DGKB: variants seen among roughly 807,000 people sequenced by gnomAD.
The protein encoded by DGKB is diacylglycerol kinase beta.
DGKB carries 67 observed loss-of-function variants against 114.3 expected under a neutral mutation model. The observed-to-expected ratio is 0.59, with a 90% CI of 0.48 to 0.72. The LOEUF is 0.72. DGKB is among the 30% of genes least tolerant of loss of function. DGKB has a pLI of 0.00. For synonymous variants in DGKB, 398 were observed against 323.1 expected (o/e 1.23, Z -2.49); for missense variants, 907 against 975.2 (o/e 0.93, Z 0.93).
chr7:14,269,378 G>A (rs769034077), intron 23 of DGKB, among the ~76,000 whole-genome samples: 1 of 152,066 alleles, frequency 6.6e-6, no homozygotes, highest in African/African-American at 2.4e-5. Flanking sequence ...AAGAATCTCT[G>A]GACAAATTTT....
intron 20 of DGKB, among the ~76,000 whole-genome samples, chr7:14,562,486 G>A (rs1426268734): frequency 1.3e-5 from 2 of 152,178 alleles, no homozygotes; most frequent in African/African-American, 4.8e-5. Flanking sequence ...CTCAATGCCA[G>A]CCTGTGAAAG....
At chr7:14,613,703 A>AT (rs922611426) in intron 15 of DGKB, among the ~76,000 whole-genome samples, 6 of 151,538 alleles carry the variant, frequency 4.0e-5, no homozygotes, top group African/African-American at 1.2e-4. Context: ...TTCCTGTAAG[A>AT]TAAAAAAAAA....
At chr7:14,451,839 T>G (rs1831562250) in intron 21 of DGKB, among the ~76,000 whole-genome samples, 1 of 152,052 alleles carries the variant, frequency 6.6e-6, no homozygotes, top group Admixed American at 6.6e-5. Context: ...AACTCTTACT[T>G]CACCAGTAAG....
At chr7:14,205,575 C>T (rs1786649072) in intron 23 of DGKB, among the ~76,000 whole-genome samples, 1 of 151,938 alleles carries the variant, frequency 6.6e-6, no homozygotes. Flanking sequence ...TCTACATAAA[C>T]ATGTGATTCT....
chr7:14,405,545 A>T (rs1477837173), intron 21 of DGKB, among the ~76,000 whole-genome samples: 1 of 152,072 alleles, frequency 6.6e-6, no homozygotes, highest in African/African-American at 2.4e-5. Context: ...CTCATTTAAG[A>T]AATCTGTATA....
intron 20 of DGKB, among the ~76,000 whole-genome samples, chr7:14,479,521 T>C (rs969668281): frequency 1.3e-5 from 2 of 152,142 alleles, no homozygotes; most frequent in African/African-American, 4.8e-5. Flanking sequence ...GTTACAAAAA[T>C]CCCCCTCTAC....
In DGKB at chr7:14,410,332, T is replaced by C. The variant is rs1446095043; in HGVS notation, c.1836-64941A>G. Reference sequence around the variant, plus strand: ...AGTTGTATATTTTTATAAAGTCTGGTTCTGTGTAACTTTCTATTCATTTTT... The same window carrying C: ...AGTTGTATATTTTTATAAAGTCTGGCTCTGTGTAACTTTCTATTCATTTTT... On this transcript the variant is annotated intron_variant, in intron 21 of 25. Coordinates refer to ENST00000402815, the MANE Select transcript of DGKB (RefSeq NM_001350709.2). Among the ~76,000 whole-genome samples the C allele has an allele frequency of 3.9e-5, 6 of 151,960 alleles. No individual in the cohort carries two copies. The East Asian group carries it at 1.2e-3, about 29-fold the overall frequency.
chr7:14,745,540 A>C (rs1191288035), intron 4 of DGKB, among the ~76,000 whole-genome samples: 1 of 152,170 alleles, frequency 6.6e-6, no homozygotes, highest in Non-Finnish European at 1.5e-5. Context: ...ACAGAGAAAA[A>C]TTCTGTCCCT....
chr7:14,545,615 A>C (rs946755399), intron 20 of DGKB, among the ~76,000 whole-genome samples: 2 of 152,238 alleles, frequency 1.3e-5, no homozygotes, highest in African/African-American at 4.8e-5. Flanking sequence ...AGGCTTAATC[A>C]GCTTCCGCCA....
intron 1 of DGKB, among the ~76,000 whole-genome samples, chr7:14,924,602 G>C (rs971905799): frequency 6.6e-6 from 1 of 152,184 alleles, no homozygotes; most frequent in African/African-American, 2.4e-5. Context: ...TAGTTCACTA[G>C]TGCCCTCTTC....
intron 1 of DGKB, among the ~76,000 whole-genome samples, chr7:14,890,072 G>C (rs1442269372): frequency 6.6e-6 from 1 of 151,516 alleles, no homozygotes; most frequent in Non-Finnish European, 1.5e-5. Context: ...CTCAGTCTGA[G>C]AGTCTTTTCA....
rs531772903 is a variant in DGKB, at chr7:14,705,084, G to A, written c.467-3354C>T. On this transcript the variant is annotated intron_variant, in intron 6 of 25. Transcript: ENST00000402815. ...TGAAAACTTTGAAAAAAATTTAGAA[G>A]AATGTATAACTAGAATAACCAATAC... 4.0e-5 allele frequency among the ~76,000 whole-genome samples: 6 copies of A among 149,242 alleles called. No individual in the cohort carries two copies. The East Asian group carries it at 1.2e-3, about 30-fold the overall frequency.
chr7:14,407,499 G>C (rs965037759), intron 21 of DGKB, among the ~76,000 whole-genome samples: 1 of 152,014 alleles, frequency 6.6e-6, no homozygotes, highest in African/African-American at 2.4e-5. Flanking sequence ...CAGGCTGATG[G>C]AGAAGAAGCT....
intron 25 of DGKB, among the ~76,000 whole-genome samples, chr7:14,175,603 C>A (rs965514907): frequency 6.6e-6 from 1 of 152,196 alleles, no homozygotes; most frequent in Non-Finnish European, 1.5e-5. Context: ...CAATCCTCCA[C>A]AGAGCAGCCA....
chr7:14,513,935 T>A (rs1319698277), intron 20 of DGKB, among the ~76,000 whole-genome samples: 1 of 152,066 alleles, frequency 6.6e-6, no homozygotes, highest in African/African-American at 2.4e-5. Flanking sequence ...CTGGTATTGC[T>A]TTTGGTCTAC....
upstream of DGKB, among the ~76,000 whole-genome samples, chr7:14,906,654 T>C (rs1419239011): frequency 6.6e-6 from 1 of 152,050 alleles, no homozygotes; most frequent in Admixed American, 6.6e-5. Context: ...GGTTTCACCA[T>C]GTTGGTCAGG....
intron 1 of DGKB, among the ~76,000 whole-genome samples, chr7:14,858,855 T>A (rs985598125): frequency 5.9e-5 from 9 of 152,152 alleles, no homozygotes; most frequent in Admixed American, 2.0e-4. Context: ...GAGTGACAAG[T>A]GCATGTCACT....
intron 1 of DGKB, among the ~76,000 whole-genome samples, chr7:14,843,496 G>A (rs1294752031): frequency 6.7e-5 from 10 of 149,996 alleles, no homozygotes; most frequent in South Asian, 2.1e-4. Flanking sequence ...CACCGCGCCC[G>A]GCTAATTTTT....
At chr7:14,414,168 C>T (rs1157785843) in intron 21 of DGKB, among the ~76,000 whole-genome samples, 1 of 151,606 alleles carries the variant, frequency 6.6e-6, no homozygotes, top group African/African-American at 2.4e-5. Flanking sequence ...ATCTATATAC[C>T]CTTTACAAAT....
Sources: allele counts gnomAD v4.1 joint callset (sites outside exome capture counted in the v4.1 genomes callset), GRCh38; gene constraint gnomAD v4.1.1; transcripts MANE v1.5; gene names NCBI Gene and HGNC (gene_info 2026-07-23, HGNC 2026-07-21).